The following PCDHGA6 variants were observed in gnomAD, a reference collection of about 807,000 sequenced individuals.
PCDHGA6 encodes protocadherin gamma-A6.
In PCDHGA6, 41 loss-of-function variants were observed where a neutral mutation model predicts 60.6. That is an observed-to-expected ratio of 0.68 (90% CI 0.53 to 0.88). PCDHGA6 has a LOEUF of 0.88. Among genes scored for constraint, PCDHGA6 ranks in the 40% least tolerant of loss-of-function variants. The pLI is 0.00. For missense variants in PCDHGA6, 1,312 were observed against 1,203.0 expected (o/e 1.09, Z -1.34); for synonymous variants, 594 against 524.4 (o/e 1.13, Z -1.81).
chr5:141,393,376 G>C (rs749009041), intron 1 of PCDHGA6: 2 of 1,613,842 alleles, frequency 1.2e-6, no homozygotes, highest in African/African-American at 2.7e-5. Flanking sequence ...GGAGACAATG[G>C]AGCCATAAAC....
chr5:141,492,384 C>G (rs1001189412), intron 1 of PCDHGA6, among the ~76,000 whole-genome samples: 1 of 152,230 alleles, frequency 6.6e-6, no homozygotes, highest in Non-Finnish European at 1.5e-5. Context: ...AGGCCTGTTC[C>G]GGTCCACTCG....
At chr5:141,385,132 G>A (rs763210124) in intron 1 of PCDHGA6, 9 of 1,614,208 alleles carry the variant, frequency 5.6e-6, no homozygotes, top group Middle Eastern at 1.6e-4. Flanking sequence ...GGGCATGGAC[G>A]GGGTGCAGGC....
rs201825683 is a variant in PCDHGA6 at position 141,404,916 on chromosome 5, C to T, written c.2424+28409C>T. The T allele has an allele frequency of 1.5e-4, 243 of 1,613,780 alleles. No homozygotes were observed. The highest frequency in any genetic ancestry group is 1.1e-4 in the Non-Finnish European group (126 of 1,179,862). ...CAGGACCATGGCCAGCCCCCTCTCTCGGCCACTGTCACGCTCACAGTAGCC... is the reference window on the plus strand; with the variant it reads ...CAGGACCATGGCCAGCCCCCTCTCTTGGCCACTGTCACGCTCACAGTAGCC... On this transcript the variant is annotated intron_variant, in intron 1 of 3. Transcript: ENST00000517434.
Position 141,477,918 on chromosome 5 carries a change from G to A in PCDHGA6, c.2425-16889G>A. 1 of 1,614,154 alleles carries A rather than the reference G, an allele frequency of 6.2e-7. No individual in the cohort carries two copies. Among genetic ancestry groups the A allele is most frequent in the Admixed American group, 1.7e-5 (1 of 60,026 alleles). ...GTGGTAGGCTGGGACGCGGATGCAG[G>A]GCACAATGCCTGGCTCTCCTACAGT... is the stretch of plus-strand genomic sequence containing the variant. On this transcript the variant is annotated intron_variant, in intron 1 of 3. Coordinates refer to ENST00000517434, the MANE Select transcript of PCDHGA6 (RefSeq NM_018919.3). The surrounding 1 kb of genome is among the most constrained non-coding windows in gnomAD (Gnocchi z 4.9).
At chr5:141,446,968 G>A (rs1052445705) in intron 1 of PCDHGA6, among the ~76,000 whole-genome samples, 12 of 152,050 alleles carry the variant, frequency 7.9e-5, no homozygotes, top group African/African-American at 2.4e-4. Flanking sequence ...AGGGAAATTT[G>A]CTGTCTAATT....
At chr5:141,404,593 A>C in intron 1 of PCDHGA6, 1 of 1,614,080 alleles carries the variant, frequency 6.2e-7, no homozygotes, top group Non-Finnish European at 8.5e-7. Flanking sequence ...GCAATGTGTC[A>C]TTGAGACTGT....
At chr5:141,421,316 G>A in intron 1 of PCDHGA6, 1 of 1,613,866 alleles carries the variant, frequency 6.2e-7, no homozygotes, top group Non-Finnish European at 8.5e-7. Flanking sequence ...TTCCGGGCCA[G>A]GCAGATCCGA....
intron 1 of PCDHGA6, chr5:141,415,641 TA>T (rs113784532): frequency 0.022 from 22,367 of 1,034,442 alleles, 38 homozygotes; most frequent in Admixed American, 0.045. Context: ...TTACTTTTGT[TA>T]AAAAAAAAAA....
chr5:141,496,992 C>T (rs1055856428), intron 2 of PCDHGA6, among the ~76,000 whole-genome samples: 2 of 151,918 alleles, frequency 1.3e-5, no homozygotes, highest in African/African-American at 2.4e-5. Context: ...TTGAGACCAG[C>T]CTGGCAGCCA....
intron 1 of PCDHGA6, chr5:141,399,064 A>G: frequency 1.2e-6 from 2 of 1,613,762 alleles, no homozygotes; most frequent in Non-Finnish European, 1.7e-6. Flanking sequence ...GGAATATTCA[A>G]TGGTTGTAGA....
At chr5:141,447,773 T>C (rs2098551408) in intron 1 of PCDHGA6, among the ~76,000 whole-genome samples, 1 of 152,202 alleles carries the variant, frequency 6.6e-6, no homozygotes, top group African/African-American at 2.4e-5. Context: ...AATTATACTT[T>C]AATTGAAAAT....
chr5:141,506,415 C>T lies in PCDHGA6; in HGVS notation c.2572+934C>T, dbSNP rs2099853185. 2.0e-5 allele frequency among the ~76,000 whole-genome samples: 3 copies of T among 148,290 alleles called. No homozygotes were observed. The South Asian group carries it at 6.4e-4, about 32-fold the overall frequency. On this transcript the variant is annotated intron_variant, in intron 3 of 3. Coordinates refer to ENST00000517434, the MANE Select transcript of PCDHGA6 (RefSeq NM_018919.3). ...GAGCAGAAAATCGCACCACTGCACT[C>T]CAGCCTGGGCAACAGTCTCGCTCTG...
chr5:141,399,165 T>C (rs1423083245), intron 1 of PCDHGA6: 1 of 1,613,774 alleles, frequency 6.2e-7, no homozygotes, highest in South Asian at 1.1e-5. Context: ...TTACATTCCA[T>C]TCTCTACTTG....
intron 1 of PCDHGA6, among the ~76,000 whole-genome samples, chr5:141,434,831 A>T (rs1328843764): frequency 6.6e-6 from 1 of 151,904 alleles, no homozygotes; most frequent in East Asian, 1.9e-4. Flanking sequence ...TACACTTGGC[A>T]TTTATAAAGC....
intron 1 of PCDHGA6, among the ~76,000 whole-genome samples, chr5:141,492,226 C>T (rs1365682179): frequency 6.6e-6 from 1 of 152,178 alleles, no homozygotes; most frequent in Non-Finnish European, 1.5e-5. Flanking sequence ...CATGCGTGTC[C>T]TCCCTGCTGG....
Position 141,477,779 on chromosome 5 carries a change from A to G in PCDHGA6, c.2425-17028A>G, listed in dbSNP as rs781567883. ...CCTAGCCACCAACATCAGCGTGAAC[A>G]TATTTGTCACTGATCGCAATGACAA... On this transcript the variant is annotated intron_variant, in intron 1 of 3. Coordinates refer to ENST00000517434, the MANE Select transcript of PCDHGA6 (RefSeq NM_018919.3). This position sits in a 1 kb window ranked among gnomAD's most constrained non-coding sequence, Gnocchi z 4.9. 5.6e-6 allele frequency: 9 copies of G among 1,613,894 alleles called. No homozygotes were observed. Among genetic ancestry groups the G allele is most frequent in the South Asian group, 5.5e-5 (5 of 91,084 alleles).
rs534356534 is a variant in PCDHGA6 at position 141,432,344 on chromosome 5, C to G, written c.2424+55837C>G. ...CGACTACGAGCAGTTCCGAGACTTG[C>G]AAGTGAAAGTGATGGCGCGGGACAA... is the stretch of plus-strand genomic sequence containing the variant. On this transcript the variant is annotated intron_variant, in intron 1 of 3. Coordinates refer to ENST00000517434, the MANE Select transcript of PCDHGA6 (RefSeq NM_018919.3). This position sits in a 1 kb window ranked among gnomAD's most constrained non-coding sequence, Gnocchi z 6.0. 1.9e-5 allele frequency: 30 copies of G among 1,614,238 alleles called. No individual in the cohort carries two copies. In the East Asian group the frequency reaches 2.5e-4, roughly 13 times the overall value.
At chr5:141,428,226 C>A (rs2154552641) in intron 1 of PCDHGA6, 1 of 1,137,180 alleles carries the variant, frequency 8.8e-7, no homozygotes, top group South Asian at 1.3e-5. Flanking sequence ...TCTTCGCAGA[C>A]AGCCTGCAGG....
chr5:141,428,106 C>T, intron 1 of PCDHGA6: 1 of 1,608,152 alleles, frequency 6.2e-7, no homozygotes. Context: ...CCACGTGCTG[C>T]AGGCCATCGA....
Sources: allele counts gnomAD v4.1 joint callset (sites outside exome capture counted in the v4.1 genomes callset), GRCh38; gene constraint gnomAD v4.1.1; non-coding constraint Gnocchi (gnomAD v3.1); transcripts MANE v1.5; gene names NCBI Gene and HGNC (gene_info 2026-07-23, HGNC 2026-07-21).